The following TTC7B variants were observed in gnomAD, a reference collection of about 807,000 sequenced individuals.
TTC7B encodes tetratricopeptide repeat domain 7B, also known as tetratricopeptide repeat protein 7B.
In TTC7B, 28 loss-of-function variants were observed where a neutral mutation model predicts 106.8. The observed-to-expected ratio is 0.26, with a 90% CI of 0.19 to 0.36. The LOEUF (loss-of-function observed/expected upper bound fraction) is 0.36, where lower values mean the gene tolerates loss of function less well. Ranked by LOEUF, TTC7B falls within the 10% of genes least tolerant of loss-of-function variation. The pLI is 1.00. For synonymous variants in TTC7B, 405 were observed against 430.6 expected, an observed-to-expected ratio of 0.94 and a Z score of 0.74; for missense variants, 862 against 1,076.4, an observed-to-expected ratio of 0.80 and a Z score of 2.79.
intron 11 of TTC7B, 30 bp from the exon 12 acceptor site, chr14:90,655,140 A>C: frequency 1.3e-6 from 2 of 1,533,128 alleles, no homozygotes; most frequent in Non-Finnish European, 1.8e-6. Flanking sequence ...AAAAACAACA[A>C]CAACCTGCAG....
At chr14:90,670,412 T>C (rs769548900) in intron 9 of TTC7B, among the ~76,000 whole-genome samples, 1 of 152,044 alleles carries the variant, frequency 6.6e-6, no homozygotes, top group Non-Finnish European at 1.5e-5. Context: ...GATGGAAAAA[T>C]GTGGAAATAG....
chr14:90,768,451 G>A (rs897544433), intron 3 of TTC7B, among the ~76,000 whole-genome samples: 5 of 152,078 alleles, frequency 3.3e-5, no homozygotes, highest in African/African-American at 9.7e-5. Context: ...GAACAGCATG[G>A]GGAAAACCGT....
At chr14:90,613,615 T>C (rs1465813921) in intron 16 of TTC7B, among the ~76,000 whole-genome samples, 1 of 152,200 alleles carries the variant, frequency 6.6e-6, no homozygotes, top group African/African-American at 2.4e-5. Context: ...AGCTGGAAAG[T>C]CACCTTCCTC....
chr14:90,801,610 A>G (rs2030272960), intron 1 of TTC7B, among the ~76,000 whole-genome samples: 1 of 152,170 alleles, frequency 6.6e-6, no homozygotes, highest in Non-Finnish European at 1.5e-5. Flanking sequence ...GAAATGTGAG[A>G]CAGCATTCAA....
chr14:90,737,332 C>G (rs1208921103), intron 4 of TTC7B, among the ~76,000 whole-genome samples: 1 of 152,134 alleles, frequency 6.6e-6, no homozygotes, highest in Non-Finnish European at 1.5e-5. Flanking sequence ...TTTATAGCAG[C>G]ATCATTCACA....
At position 90,605,832 on chromosome 14, in the gene TTC7B, C is replaced by T. The variant is rs1021902452; in HGVS notation, c.1966+4910G>A. ...AGAAACACAAAGAAAAAAATAAACT[C>T]GCTTTTAATATACTCACATAAGCTG... On this transcript the variant is annotated intron_variant, in intron 17 of 19. Transcript: ENST00000328459. 3.3e-5 allele frequency: 37 copies of T among 1,106,518 alleles called. No homozygotes were observed. The Admixed American group carries it at 5.1e-4, about 15-fold the overall frequency. The allele number at this position is 1,106,518 out of a possible 1,614,324, so 68.5% of individuals were successfully genotyped here. A position where few individuals can be genotyped will look rare whatever the true frequency, so the allele number is the denominator to read the frequency against.
intron 17 of TTC7B, chr14:90,605,849 C>A (rs1286796806): frequency 1.0e-6 from 1 of 953,964 alleles, no homozygotes; most frequent in African/African-American, 1.8e-5. Flanking sequence ...AATATACTCA[C>A]ATAAGCTGCA....
intron 9 of TTC7B, among the ~76,000 whole-genome samples, chr14:90,671,405 G>A (rs1030224275): frequency 6.6e-6 from 1 of 152,194 alleles, no homozygotes; most frequent in African/African-American, 2.4e-5. Flanking sequence ...CTTGCCTATG[G>A]AGGGGGGACA....
At chr14:90,748,366 T>A (rs1471926556) in intron 3 of TTC7B, among the ~76,000 whole-genome samples, 1 of 152,214 alleles carries the variant, frequency 6.6e-6, no homozygotes, top group Non-Finnish European at 1.5e-5. Flanking sequence ...TCTCACTCTG[T>A]TGCCCAGGCT....
chr14:90,599,336 T>C (rs1892337440), intron 17 of TTC7B, among the ~76,000 whole-genome samples: 1 of 152,142 alleles, frequency 6.6e-6, no homozygotes, highest in African/African-American at 2.4e-5. Context: ...CCCCTCGCCT[T>C]CCCTCTCCCC....
chr14:90,791,488 T>G (rs1891583605), intron 1 of TTC7B, among the ~76,000 whole-genome samples: 1 of 152,184 alleles, frequency 6.6e-6, no homozygotes, highest in Non-Finnish European at 1.5e-5. Context: ...TCTCCCTTTC[T>G]TCCTTTAGTA....
intron 1 of TTC7B, among the ~76,000 whole-genome samples, chr14:90,792,726 C>G (rs1891629982): frequency 6.6e-6 from 1 of 152,088 alleles, no homozygotes. Flanking sequence ...AATACAGGCT[C>G]TAATGAAGAT....
chr14:90,694,296 A>C (rs1213270746), intron 6 of TTC7B, among the ~76,000 whole-genome samples: 1 of 152,172 alleles, frequency 6.6e-6, no homozygotes, highest in Non-Finnish European at 1.5e-5. Context: ...TGCCCCAAAT[A>C]GGCAAATCCA....
Position 90,757,077 on chromosome 14 carries a change from T to C in TTC7B, c.446-12155A>G, listed in dbSNP as rs1031207325. 1.3e-5 allele frequency among the ~76,000 whole-genome samples: 2 copies of C among 152,040 alleles called. No individual in the cohort carries two copies. Among genetic ancestry groups the C allele is most frequent in the Non-Finnish European group, 2.9e-5 (2 of 68,010 alleles). ...GATCATGGAGTCAGAGACAAACAGTTAGCAGAAGGCTTAACGTGGTGGATC... is the reference window on the plus strand; with the variant it reads ...GATCATGGAGTCAGAGACAAACAGTCAGCAGAAGGCTTAACGTGGTGGATC... On this transcript the variant is annotated intron_variant, in intron 3 of 19. Coordinates refer to ENST00000328459, the MANE Select transcript of TTC7B (RefSeq NM_001010854.2). The surrounding 1 kb of genome is among the most constrained non-coding windows in gnomAD (Gnocchi z 4.1).
Position 90,646,997 on chromosome 14 carries a change from T to C in TTC7B, c.1544A>G (p.His515Arg). The stretch of plus-strand genomic sequence containing the variant: ...CAGAGCCAGGTAGAAAGCTGCTTGG[T>C]GATCTGTGGGTGACAGGCTGTGGGC... ...QRAHSLSPTD[H>R]QAAFYLALQL... The change falls in exon 14 of 20, where the codon CAC becomes CGC. Residue 515 changes from histidine to arginine, a missense_variant. By Grantham distance (29) the His-to-Arg change is conservative (BLOSUM62 0). Coordinates refer to ENST00000328459, the MANE Select transcript of TTC7B (RefSeq NM_001010854.2). The C allele has an allele frequency of 6.2e-7, 1 of 1,614,180 alleles. No individual in the cohort carries two copies. The highest frequency in any genetic ancestry group is 1.1e-5 in the South Asian group (1 of 91,078).
intron 13 of TTC7B, among the ~76,000 whole-genome samples, chr14:90,651,635 C>T (rs1885721521): frequency 6.6e-6 from 1 of 152,226 alleles, no homozygotes; most frequent in African/African-American, 2.4e-5. Flanking sequence ...TTTCCACACT[C>T]CGTGCTGAGG....
Position 90,593,613 on chromosome 14 carries a change from G to A in TTC7B, c.1980C>T (p.Ala660=). 6.2e-7 allele frequency: 1 copy of A among 1,606,374 alleles called. No homozygotes were observed. Among genetic ancestry groups the A allele is most frequent in the Middle Eastern group, 1.7e-4 (1 of 6,028 alleles). Residue 660 remains alanine (A), a synonymous_variant, in exon 18 of 20, where the codon GCC becomes GCT. Coordinates refer to ENST00000328459, the MANE Select transcript of TTC7B (RefSeq NM_001010854.2). ...CCACTCTTGAGGCTGCTACCGATGT[G>A]GCATGGACGGAGCCTGTGAGAGGTT... is the stretch of plus-strand genomic sequence containing the variant. ...FSDPETGSVH[A]TSVAASRVEQ...
At chr14:90,740,503 T>C (rs904352323) in intron 4 of TTC7B, among the ~76,000 whole-genome samples, 5 of 137,174 alleles carry the variant, frequency 3.6e-5, no homozygotes, top group African/African-American at 1.4e-4. Context: ...ACTTTTTTTT[T>C]TTTTTTTTTT....
At chr14:90,788,056 T>G (rs374807089) in intron 1 of TTC7B, among the ~76,000 whole-genome samples, 1 of 143,350 alleles carries the variant, frequency 7.0e-6, no homozygotes, top group East Asian at 2.0e-4. Context: ...TCCCAGCTAC[T>G]AGGGAGGCTG....
Sources: allele counts gnomAD v4.1 joint callset (sites outside exome capture counted in the v4.1 genomes callset), GRCh38; gene constraint gnomAD v4.1.1; non-coding constraint Gnocchi (gnomAD v3.1); transcripts MANE v1.5; gene names NCBI Gene and HGNC (gene_info 2026-07-23, HGNC 2026-07-21).